Variants in BLTP1 observed in about 807,000 individuals in gnomAD.
BLTP1 encodes the protein fragile site-associated protein.
At chr4:122,246,602 T>C in the BLTP1 span, 3 of 1,481,138 alleles carry the variant, frequency 2.0e-6, no homozygotes, top group Non-Finnish European at 1.8e-6. Flanking sequence ...TTCTTAACAG[T>C]AGTTTTTCAT....
chr4:122,306,489 T>G, the BLTP1 span: 5 of 814,426 alleles, frequency 6.1e-6, no homozygotes, highest in Non-Finnish European at 7.4e-6. Flanking sequence ...GAGTCAGAGA[T>G]GTGTTCTTGG....
At chr4:122,314,958 C>T in the BLTP1 span, among the ~76,000 whole-genome samples, 1 of 152,162 alleles carries the variant, frequency 6.6e-6, no homozygotes, top group Non-Finnish European at 1.5e-5. Context: ...CTTTGTAGCT[C>T]TTGTCTTTGC....
chr4:122,219,272 G>A, the BLTP1 span: 1 of 1,559,360 alleles, frequency 6.4e-7, no homozygotes, highest in Non-Finnish European at 8.7e-7. Context: ...TACAAATTTA[G>A]GCTCATAGGT....
At chr4:122,251,391 G>GTA in the BLTP1 span, 1 of 901,046 alleles carries the variant, frequency 1.1e-6, no homozygotes, top group Non-Finnish European at 1.3e-6. Context: ...TGGGTATCTA[G>GTA]TAATCATGGG....
At chr4:122,263,549 G>C in the BLTP1 span, 1 of 1,613,066 alleles carries the variant, frequency 6.2e-7, no homozygotes, top group South Asian at 1.1e-5. Context: ...TCGAGGAAGT[G>C]TGTTACAAGA....
chr4:122,243,873 GA>G, the BLTP1 span: 5 of 1,592,586 alleles, frequency 3.1e-6, no homozygotes, highest in South Asian at 1.2e-5. Flanking sequence ...TACTCCATTG[GA>G]AAAAAAACTC....
chr4:122,264,547 T>A, the BLTP1 span: 2 of 823,238 alleles, frequency 2.4e-6, no homozygotes, highest in Non-Finnish European at 3.4e-6. Flanking sequence ...CCTATCTGCC[T>A]ACAGCCTTCA....
At chr4:122,208,812 C>A in the BLTP1 span, 1 of 343,710 alleles carries the variant, frequency 2.9e-6, no homozygotes. Context: ...GAGCCTGAGG[C>A]AAGATGGTTG....
the BLTP1 span, chr4:122,312,875 A>G: frequency 5.6e-5 from 48 of 852,956 alleles, no homozygotes; most frequent in Non-Finnish European, 6.6e-5. Context: ...TTAAAGATAT[A>G]TGTACTCTGG....
the BLTP1 span, among the ~76,000 whole-genome samples, chr4:122,219,722 A>G: frequency 2.0e-5 from 3 of 152,232 alleles, no homozygotes; most frequent in African/African-American, 4.8e-5. Flanking sequence ...TATTTTCTTC[A>G]TAATATGATT....
At chr4:122,270,915 C>T in the BLTP1 span, 161 of 1,400,678 alleles carry the variant, frequency 1.1e-4, no homozygotes, top group East Asian at 3.2e-3. Context: ...ATTTAAGACT[C>T]ATATTTTACC....
the BLTP1 span, chr4:122,247,766 CTG>C: frequency 7.0e-6 from 7 of 1,003,350 alleles, no homozygotes; most frequent in East Asian, 4.8e-4. Flanking sequence ...ACCAGAGAGT[CTG>C]TAAAATACAG....
the BLTP1 span, chr4:122,247,242 G>A: frequency 1.2e-6 from 2 of 1,613,522 alleles, no homozygotes; most frequent in South Asian, 1.1e-5. Flanking sequence ...CAAAGATGCA[G>A]CCTCAGTCAT....
the BLTP1 span, chr4:122,334,487 C>A: frequency 1.3e-5 from 21 of 1,612,734 alleles, no homozygotes; most frequent in Non-Finnish European, 1.8e-5. Context: ...CTTTACCTTC[C>A]ACTGTCCAGA....
At chr4:122,244,621 T>C in the BLTP1 span, 9 of 981,618 alleles carry the variant, frequency 9.2e-6, no homozygotes, top group South Asian at 4.7e-5. Flanking sequence ...GTAGAAGCGG[T>C]TGGGAAGAGA....
the BLTP1 span, chr4:122,356,798 G>T: frequency 6.3e-7 from 1 of 1,585,620 alleles, no homozygotes; most frequent in Non-Finnish European, 8.5e-7. Flanking sequence ...AAGAATGGCA[G>T]CTGTCAATGC....
the BLTP1 span, among the ~76,000 whole-genome samples, chr4:122,253,678 C>G: frequency 6.6e-6 from 1 of 151,982 alleles, no homozygotes; most frequent in Non-Finnish European, 1.5e-5. Flanking sequence ...AAGGGCAAAT[C>G]TAATAGTTAC....
chr4:122,216,099 C>G, the BLTP1 span, among the ~76,000 whole-genome samples: 16 of 133,990 alleles, frequency 1.2e-4, no homozygotes, highest in African/African-American at 4.0e-4. Flanking sequence ...ATCTATCTAT[C>G]TATCTATCTA....
chr4:122,222,462 C>T, the BLTP1 span, among the ~76,000 whole-genome samples: 1 of 152,004 alleles, frequency 6.6e-6, no homozygotes, highest in Non-Finnish European at 1.5e-5. Context: ...ATAGGGATGC[C>T]GTAACAAAGT....
Sources: gnomAD v4.1 joint callset for allele counts (sites outside exome capture counted in the v4.1 genomes callset) on GRCh38, gnomAD v4.1.1 for gene constraint, MANE v1.5 for transcripts, NCBI Gene and HGNC (gene_info 2026-07-23, HGNC 2026-07-21) for gene names.